TIAM1: variants seen among roughly 807,000 people sequenced by gnomAD.
TIAM1 encodes the protein TIAM Rac1 associated GEF 1, also known as rho guanine nucleotide exchange factor TIAM1.
In TIAM1, 65 loss-of-function variants were observed where a neutral mutation model predicts 163.5. That is an observed-to-expected ratio of 0.40 (90% CI 0.33 to 0.49). The LOEUF is 0.49. Ranked by LOEUF, TIAM1 falls within the 20% of genes least tolerant of loss-of-function variation. The probability of loss-of-function intolerance (pLI) is 0.77; values close to 1 mark genes in which losing one functional copy is unlikely to be tolerated. For synonymous variants in TIAM1, 833 were observed against 810.1 expected, an observed-to-expected ratio of 1.03 and a Z score of -0.48; for missense variants, 1,789 against 2,044.7, an observed-to-expected ratio of 0.87 and a Z score of 2.41.
intron 1 of TIAM1, among the ~76,000 whole-genome samples, chr21:31,544,596 C>A (rs1176747325): frequency 2.0e-5 from 3 of 152,020 alleles, no homozygotes; most frequent in Non-Finnish European, 4.4e-5. Flanking sequence ...CCATTGCACT[C>A]CAGCCTGGGT....
chr21:31,140,596 T>C (rs1486011012), intron 22 of TIAM1, among the ~76,000 whole-genome samples: 1 of 152,232 alleles, frequency 6.6e-6, no homozygotes, highest in Non-Finnish European at 1.5e-5. Context: ...GGTAAGTGCA[T>C]GTTAATGACT....
At chr21:31,160,675 G>C (rs2083869541) in intron 16 of TIAM1, 1 of 394,836 alleles carries the variant, frequency 2.5e-6, no homozygotes, top group South Asian at 1.4e-4. Context: ...TCCCATGCTG[G>C]TTTTCCCATG....
At chr21:31,352,627 G>A (rs959916521) in intron 2 of TIAM1, among the ~76,000 whole-genome samples, 14 of 150,242 alleles carry the variant, frequency 9.3e-5, no homozygotes, top group Non-Finnish European at 2.1e-4. Context: ...CGAGGTGGGC[G>A]GATCACTTGA....
At chr21:31,243,209 A>ATAT (rs1555902485) in intron 6 of TIAM1, among the ~76,000 whole-genome samples, 1,843 of 117,018 alleles carry the variant, frequency 0.016, 38 homozygotes, top group African/African-American at 0.048. Context: ...AAAAAAAAAA[A>ATAT]ATATATATAT....
intron 15 of TIAM1, among the ~76,000 whole-genome samples, chr21:31,167,632 G>C (rs372171226): frequency 6.6e-6 from 1 of 152,070 alleles, no homozygotes; most frequent in East Asian, 1.9e-4. Context: ...TTTCCCACAG[G>C]GTGTGAGAAC....
At chr21:31,125,029 T>C (rs1183456193) in intron 26 of TIAM1, among the ~76,000 whole-genome samples, 1 of 152,172 alleles carries the variant, frequency 6.6e-6, no homozygotes, top group Non-Finnish European at 1.5e-5. Context: ...TAAAATGTTT[T>C]TGAGGGCAAA....
chr21:31,540,385 CAAAA>C (rs77493008), intron 1 of TIAM1, among the ~76,000 whole-genome samples: 6 of 62,300 alleles, frequency 9.6e-5, no homozygotes, highest in Admixed American at 5.4e-4. Flanking sequence ...TACTCCATCT[CAAAA>C]AAAAAAAAAA....
intron 13 of TIAM1, among the ~76,000 whole-genome samples, chr21:31,187,754 G>A (rs1275462530): frequency 6.6e-6 from 1 of 152,076 alleles, no homozygotes; most frequent in African/African-American, 2.4e-5. Context: ...GAGTGAGGCC[G>A]AGGTATTCTA....
chr21:31,401,077 T>C (rs1048300314), intron 2 of TIAM1, among the ~76,000 whole-genome samples: 12 of 151,928 alleles, frequency 7.9e-5, no homozygotes, highest in Non-Finnish European at 1.2e-4. Flanking sequence ...AATAAATAAA[T>C]GAATAAATAA....
chr21:31,310,507 TG>T (rs1394269866), intron 2 of TIAM1, among the ~76,000 whole-genome samples: 3 of 152,358 alleles, frequency 2.0e-5, no homozygotes, highest in African/African-American at 7.2e-5. Flanking sequence ...AACGAACTTC[TG>T]TGAGAATCTT....
intron 8 of TIAM1, among the ~76,000 whole-genome samples, chr21:31,218,124 C>G (rs985522820): frequency 3.3e-5 from 5 of 152,160 alleles, no homozygotes; most frequent in African/African-American, 9.7e-5. Flanking sequence ...GGAAAAACAA[C>G]AGATTTTGGT....
intron 2 of TIAM1, among the ~76,000 whole-genome samples, chr21:31,279,355 C>T (rs2146868446): frequency 6.6e-6 from 1 of 152,286 alleles, no homozygotes; most frequent in African/African-American, 2.4e-5. Flanking sequence ...AGTACGTATC[C>T]ATTTCCCTTA....
chr21:31,509,062 A>G (rs1465723340), intron 1 of TIAM1, among the ~76,000 whole-genome samples: 1 of 152,196 alleles, frequency 6.6e-6, no homozygotes, highest in Non-Finnish European at 1.5e-5. Context: ...AAGCTGGGTC[A>G]TAGAGCAGGC....
At chr21:31,352,302 T>A (rs1345363365) in intron 2 of TIAM1, among the ~76,000 whole-genome samples, 2 of 152,142 alleles carry the variant, frequency 1.3e-5, no homozygotes, top group African/African-American at 4.8e-5. Context: ...TTCAAAATAT[T>A]ATGCTAAGTG....
intron 2 of TIAM1, among the ~76,000 whole-genome samples, chr21:31,420,841 G>A (rs2043541814): frequency 6.6e-6 from 1 of 152,154 alleles, no homozygotes; most frequent in East Asian, 1.9e-4. Flanking sequence ...GATGAAGTCG[G>A]CCAGGTGCGG....
intron 7 of TIAM1, among the ~76,000 whole-genome samples, chr21:31,224,307 T>A (rs1194781503): frequency 6.6e-6 from 1 of 152,178 alleles, no homozygotes; most frequent in Non-Finnish European, 1.5e-5. Context: ...TGTACACACA[T>A]GTTCATAGCA....
chr21:31,210,631 A>AG (rs1569031853), intron 10 of TIAM1, among the ~76,000 whole-genome samples: 7 of 23,510 alleles, frequency 3.0e-4, no homozygotes, highest in East Asian at 8.1e-4. Flanking sequence ...GAAAGAAAGA[A>AG]AGAAAGAAAG....
chr21:31,260,426 C>T (rs868390750), intron 4 of TIAM1, among the ~76,000 whole-genome samples: 4 of 150,782 alleles, frequency 2.7e-5, no homozygotes, highest in Non-Finnish European at 4.4e-5. Flanking sequence ...TTAGTAGAGA[C>T]GGGGGTTTCA....
intron 2 of TIAM1, among the ~76,000 whole-genome samples, chr21:31,295,267 G>C (rs557071002): frequency 6.6e-6 from 1 of 152,042 alleles, no homozygotes; most frequent in Non-Finnish European, 1.5e-5. Flanking sequence ...TCAGGAAATC[G>C]AGACCATCCC....
Sources: gnomAD v4.1 joint callset for allele counts (sites outside exome capture counted in the v4.1 genomes callset) on GRCh38, gnomAD v4.1.1 for gene constraint, MANE v1.5 for transcripts, NCBI Gene and HGNC (gene_info 2026-07-23, HGNC 2026-07-21) for gene names.